COL23A1: variants seen among roughly 807,000 people sequenced by gnomAD.
COL23A1 encodes the protein collagen type XXIII alpha 1 chain.
A neutral mutation model predicts 99.3 loss-of-function variants in COL23A1; 97 were observed. That is an observed-to-expected ratio of 0.98 (90% confidence interval 0.83 to 1.16). COL23A1 has a LOEUF of 1.16. Ranked by LOEUF, COL23A1 falls within the 50% of genes most tolerant of loss-of-function variation. The probability of loss-of-function intolerance (pLI) is 0.00; values close to 1 mark genes in which losing one functional copy is unlikely to be tolerated. For missense variants in COL23A1, 762 were observed against 757.4 expected, an observed-to-expected ratio of 1.01 and a Z score of -0.07; for synonymous variants, 320 against 308.2, an observed-to-expected ratio of 1.04 and a Z score of -0.40.
At chr5:178,334,232 C>T (rs1423513245) in intron 2 of COL23A1, among the ~76,000 whole-genome samples, 1 of 152,180 alleles carries the variant, frequency 6.6e-6, no homozygotes, top group Non-Finnish European at 1.5e-5. Context: ...TTATTAAACT[C>T]CCACTGTGTG....
chr5:178,555,552 T>C (rs1011490045), intron 2 of COL23A1, among the ~76,000 whole-genome samples: 1 of 152,150 alleles, frequency 6.6e-6, no homozygotes, highest in Non-Finnish European at 1.5e-5. Context: ...CTCAGACCTT[T>C]CCATTTCTAG....
chr5:178,358,397 ATGTGTATGTGTGTATGTGTATG>A (rs1761928192), intron 2 of COL23A1, among the ~76,000 whole-genome samples: 3 of 124,618 alleles, frequency 2.4e-5, no homozygotes, highest in African/African-American at 8.8e-5. Flanking sequence ...GTGTATGTGT[ATGTGTATGTGTGTATGTGTATG>A]TGTGTGTATG....
At chr5:178,477,730 C>A (rs6875013) in intron 2 of COL23A1, among the ~76,000 whole-genome samples, 39,669 of 151,998 alleles carry the variant, frequency 0.26, 5,922 homozygotes, top group East Asian at 0.64. Flanking sequence ...CTCCTTCCTT[C>A]CCGCTCTTCC....
chr5:178,246,924 G>A (rs1245915920), intron 22 of COL23A1, among the ~76,000 whole-genome samples: 1 of 152,190 alleles, frequency 6.6e-6, no homozygotes. Context: ...GGGCTTCCAC[G>A]ATTCTCAGTC....
intron 16 of COL23A1, among the ~76,000 whole-genome samples, chr5:178,254,324 C>G (rs533529196): frequency 6.6e-6 from 1 of 152,332 alleles, no homozygotes; most frequent in African/African-American, 2.4e-5. Context: ...GGGTGGGTGC[C>G]ACAGTTACTG....
intron 2 of COL23A1, among the ~76,000 whole-genome samples, chr5:178,461,953 A>G (rs1201247270): frequency 1.3e-5 from 2 of 152,232 alleles, no homozygotes; most frequent in Non-Finnish European, 2.9e-5. Flanking sequence ...GTGGTACTTC[A>G]AGGAGCTGCC....
At chr5:178,427,022 C>T (rs916605465) in intron 2 of COL23A1, among the ~76,000 whole-genome samples, 3 of 152,122 alleles carry the variant, frequency 2.0e-5, no homozygotes, top group Non-Finnish European at 4.4e-5. Context: ...TATGGTGAAA[C>T]CCCGTCTCTA....
At position 178,357,965 on chromosome 5, in the gene COL23A1, T is replaced by C. The variant is rs572772679; in HGVS notation, c.362-51046A>G. The stretch of plus-strand genomic sequence containing the variant: ...ATGTGTGTGTATGTATATGTGTGTA[T>C]GTGTATGTGTATATATGTGTGTATG... On this transcript the variant is annotated intron_variant, in intron 2 of 28. Transcript: ENST00000390654. 2.1e-4 allele frequency among the ~76,000 whole-genome samples: 31 copies of C among 147,892 alleles called. No individual in the cohort carries two copies. In the South Asian group the frequency reaches 4.6e-3, roughly 22 times the overall value.
intron 2 of COL23A1, among the ~76,000 whole-genome samples, chr5:178,335,795 G>A (rs1047990532): frequency 6.6e-6 from 1 of 152,326 alleles, no homozygotes; most frequent in South Asian, 2.1e-4. Context: ...TCACTGTGGC[G>A]AACTTCTTGC....
chr5:178,358,348 T>TA (rs1761917147), intron 2 of COL23A1, among the ~76,000 whole-genome samples: 1 of 148,876 alleles, frequency 6.7e-6, no homozygotes, highest in Non-Finnish European at 1.5e-5. Flanking sequence ...AATGTGTGTA[T>TA]TGTGTGTATG....
At chr5:178,382,333 G>A (rs763151868) in intron 2 of COL23A1, among the ~76,000 whole-genome samples, 5 of 152,184 alleles carry the variant, frequency 3.3e-5, no homozygotes, top group Admixed American at 6.5e-5. Flanking sequence ...GTTTGTTTCC[G>A]AATCAGGTTC....
At chr5:178,290,121 G>A (rs963875177) in intron 4 of COL23A1, among the ~76,000 whole-genome samples, 4 of 151,952 alleles carry the variant, frequency 2.6e-5, no homozygotes, top group Admixed American at 6.6e-5. Context: ...TAGTAGAGAC[G>A]AGGTCTCACT....
rs1757196617 is a variant in COL23A1 at position 178,479,219 on chromosome 5, T to C, written c.361+81463A>G. On this transcript the variant is annotated intron_variant, in intron 2 of 28. Coordinates refer to ENST00000390654, the MANE Select transcript of COL23A1 (RefSeq NM_173465.4). ...CCTAGAAAGCAAGTACCCTTATTCATACCCATTTTACAGCTGAAGAAATGG... is the reference window on the plus strand; with the variant it reads ...CCTAGAAAGCAAGTACCCTTATTCACACCCATTTTACAGCTGAAGAAATGG... Among the ~76,000 whole-genome samples the C allele has an allele frequency of 2.0e-5, 3 of 152,146 alleles. No individual in the cohort carries two copies. In the South Asian group the frequency reaches 6.2e-4, roughly 32 times the overall value.
At chr5:178,371,229 T>A (rs1762784118) in intron 2 of COL23A1, among the ~76,000 whole-genome samples, 1 of 151,914 alleles carries the variant, frequency 6.6e-6, no homozygotes, top group African/African-American at 2.4e-5. Context: ...TGATGAGGAG[T>A]TAGACCCTGA....
Position 178,581,756 on chromosome 5 carries a change from T to C in COL23A1, c.294+8148A>G, listed in dbSNP as rs118143794. 4.1e-4 allele frequency among the ~76,000 whole-genome samples: 62 copies of C among 152,148 alleles called. No individual in the cohort carries two copies. In the East Asian group the frequency reaches 0.01, roughly 25 times the overall value. On this transcript the variant is annotated intron_variant, in intron 1 of 28. Transcript: ENST00000390654. ...CGTTGATAGTAGGATGCAGATTTTC[T>C]TGATGGGATATGCAAGATTTTCTTG...
rs558966153 is a variant in COL23A1 at position 178,292,664 on chromosome 5, G to A, written c.407-2295C>T. 2.6e-5 allele frequency among the ~76,000 whole-genome samples: 4 copies of A among 152,316 alleles called. No homozygotes were observed. The East Asian group carries it at 7.7e-4, about 29-fold the overall frequency. On this transcript the variant is annotated intron_variant, in intron 3 of 28. Transcript: ENST00000390654. ...AGGGGAGAGAGGACAGTGGCTCACA[G>A]CTGGTGGTGGCAGTGGAAGTGGTGG...
chr5:178,533,493 A>G (rs1405039057), intron 2 of COL23A1, among the ~76,000 whole-genome samples: 2 of 152,090 alleles, frequency 1.3e-5, no homozygotes, highest in African/African-American at 4.8e-5. Context: ...ATGTTGTAGC[A>G]TGTGTCGGAG....
intron 2 of COL23A1, among the ~76,000 whole-genome samples, chr5:178,338,701 T>C (rs536155077): frequency 4.6e-4 from 70 of 151,652 alleles, no homozygotes; most frequent in Middle Eastern, 3.4e-3. Flanking sequence ...GTGGGAACCA[T>C]GTACTTAAAC....
At chr5:178,287,448 C>T (rs372323575) in intron 5 of COL23A1, among the ~76,000 whole-genome samples, 3 of 152,214 alleles carry the variant, frequency 2.0e-5, no homozygotes, top group Non-Finnish European at 2.9e-5. Context: ...TGAAGCTCAG[C>T]GAAGGTGAGC....
Sources: allele counts gnomAD v4.1 joint callset (sites outside exome capture counted in the v4.1 genomes callset), GRCh38; gene constraint gnomAD v4.1.1; transcripts MANE v1.5; gene names NCBI Gene and HGNC (gene_info 2026-07-23, HGNC 2026-07-21).